Variants in RFX3 observed in about 807,000 individuals in gnomAD.
The protein encoded by RFX3 is transcription factor RFX3.
In RFX3, 14 loss-of-function variants were observed where a neutral mutation model predicts 98.6. The ratio of observed to expected loss-of-function variants is 0.14; its 90% CI spans 0.09 to 0.22. The LOEUF (loss-of-function observed/expected upper bound fraction) is 0.22, where lower values mean the gene tolerates loss of function less well. Ranked by LOEUF, RFX3 falls within the 10% of genes least tolerant of loss-of-function variation. The probability of loss-of-function intolerance (pLI) is 1.00; values close to 1 mark genes in which losing one functional copy is unlikely to be tolerated. For missense variants in RFX3, 639 were observed against 926.9 expected, an observed-to-expected ratio of 0.69 and a Z score of 4.03; for synonymous variants, 383 against 328.4, an observed-to-expected ratio of 1.17 and a Z score of -1.80.
At chr9:3,233,251 T>C (rs1299506039) in intron 15 of RFX3, among the ~76,000 whole-genome samples, 2 of 152,186 alleles carry the variant, frequency 1.3e-5, no homozygotes, top group Non-Finnish European at 2.9e-5. Context: ...GCCAGGGCAA[T>C]GATCGGCAGG....
chr9:3,497,945 C>T (rs1315381754), intron 1 of RFX3, among the ~76,000 whole-genome samples: 2 of 151,942 alleles, frequency 1.3e-5, no homozygotes, highest in East Asian at 3.8e-4. Context: ...CTATAACTGC[C>T]ACTTTAACAA....
At chr9:3,344,911 T>G (rs1325277352) in intron 3 of RFX3, 1 of 693,470 alleles carries the variant, frequency 1.4e-6, no homozygotes, top group African/African-American at 1.8e-5. Context: ...GTGAAAAACA[T>G]TCACAGTGTG....
chr9:3,462,374 C>T (rs1264696360), intron 1 of RFX3, among the ~76,000 whole-genome samples: 1 of 152,014 alleles, frequency 6.6e-6, no homozygotes, highest in African/African-American at 2.4e-5. Flanking sequence ...CCTCAGCAAA[C>T]TGGCAATTGA....
chr9:3,279,883 A>G (rs1825710054), intron 7 of RFX3, among the ~76,000 whole-genome samples: 1 of 151,872 alleles, frequency 6.6e-6, no homozygotes, highest in South Asian at 2.1e-4. Flanking sequence ...AATTAGAGAT[A>G]AACTATATTA....
At chr9:3,500,046 G>C (rs1021830252) in intron 1 of RFX3, among the ~76,000 whole-genome samples, 1 of 152,084 alleles carries the variant, frequency 6.6e-6, no homozygotes, top group Non-Finnish European at 1.5e-5. Context: ...ACAGGAAGCA[G>C]AGTAAAAGAA....
chr9:3,509,919 T>TA (rs1333189488), intron 1 of RFX3, among the ~76,000 whole-genome samples: 1 of 152,004 alleles, frequency 6.6e-6, no homozygotes, highest in Non-Finnish European at 1.5e-5. Context: ...TCAGTTTTCT[T>TA]ACCTATAAGA....
chr9:3,306,956 C>T (rs1408315683), intron 4 of RFX3, among the ~76,000 whole-genome samples: 1 of 151,906 alleles, frequency 6.6e-6, no homozygotes, highest in Admixed American at 6.6e-5. Flanking sequence ...GTGGGAGGGA[C>T]CTGGTGGGAG....
intron 1 of RFX3, among the ~76,000 whole-genome samples, chr9:3,485,407 A>C (rs1378754314): frequency 6.6e-6 from 1 of 152,240 alleles, no homozygotes; most frequent in Non-Finnish European, 1.5e-5. Context: ...CTCATGTTAC[A>C]TAAGAATATT....
chr9:3,254,773 C>G (rs1821889697), intron 14 of RFX3, among the ~76,000 whole-genome samples: 1 of 152,136 alleles, frequency 6.6e-6, no homozygotes, highest in South Asian at 2.1e-4. Context: ...CTGCATCTAC[C>G]TTGAGAACAC....
intron 6 of RFX3, among the ~76,000 whole-genome samples, chr9:3,290,331 A>G (rs1222162053): frequency 6.6e-6 from 1 of 152,176 alleles, no homozygotes; most frequent in African/African-American, 2.4e-5. Flanking sequence ...CTACTCATTC[A>G]CAAAACCAAA....
chr9:3,306,414 CAG>C (rs1202008812), intron 4 of RFX3, among the ~76,000 whole-genome samples: 14 of 151,864 alleles, frequency 9.2e-5, no homozygotes, highest in Admixed American at 2.0e-4. Context: ...GTTAAACTAG[CAG>C]AGTTTCATAA....
intron 1 of RFX3, among the ~76,000 whole-genome samples, chr9:3,405,114 C>T (rs562419003): frequency 6.6e-6 from 1 of 152,174 alleles, no homozygotes; most frequent in East Asian, 1.9e-4. Flanking sequence ...CCTTGCCTTC[C>T]AAGACATTCA....
At chr9:3,321,752 C>A (rs1831346284) in intron 4 of RFX3, among the ~76,000 whole-genome samples, 1 of 152,020 alleles carries the variant, frequency 6.6e-6, no homozygotes, top group Non-Finnish European at 1.5e-5. Context: ...TTATATTATG[C>A]TTCCCACTCT....
chr9:3,311,019 T>G (rs1185151497), intron 4 of RFX3, among the ~76,000 whole-genome samples: 1 of 152,208 alleles, frequency 6.6e-6, no homozygotes, highest in East Asian at 1.9e-4. Context: ...AAGTTTTAAC[T>G]AGATAGTTAA....
chr9:3,401,917 C>T (rs990348514), intron 1 of RFX3, among the ~76,000 whole-genome samples: 56 of 152,252 alleles, frequency 3.7e-4, no homozygotes, highest in African/African-American at 1.3e-3. Flanking sequence ...CTGAATGGAA[C>T]AAGATTAGCA....
At position 3,225,198 on chromosome 9, in the gene RFX3, C is replaced by T. The variant is rs1457696058; in HGVS notation, c.2094G>A (p.Glu698=). Residue 698 remains glutamate, a synonymous_variant, in exon 17 of 17, where the codon GAG becomes GAA. Transcript: ENST00000617270. ...AGCCCACTGGAAATGCCTGGCTCAG[C>T]TCTGTTTTCTCTCTTTTGGCTTGAG... ...SEPQAKREKT[E]LSQAFPVGCM... 1 of 1,613,924 alleles carries T rather than the reference C, an allele frequency of 6.2e-7. No individual in the cohort carries two copies. The highest frequency in any genetic ancestry group is 1.1e-5 in the South Asian group (1 of 91,090).
intron 1 of RFX3, among the ~76,000 whole-genome samples, chr9:3,519,116 G>A (rs190765468): frequency 6.6e-6 from 1 of 152,264 alleles, no homozygotes; most frequent in Admixed American, 6.5e-5. Context: ...ACTGGACAAT[G>A]GGAGTATAAC....
At chr9:3,467,523 A>G (rs1203140511) in intron 1 of RFX3, among the ~76,000 whole-genome samples, 1 of 152,042 alleles carries the variant, frequency 6.6e-6, no homozygotes, top group Non-Finnish European at 1.5e-5. Context: ...TCTCAAGGAA[A>G]GGTTATATTC....
At chr9:3,318,594 T>C (rs1254739201) in intron 4 of RFX3, among the ~76,000 whole-genome samples, 1 of 151,346 alleles carries the variant, frequency 6.6e-6, no homozygotes, top group Admixed American at 6.6e-5. Context: ...AGCTTGGCTT[T>C]TCATGTCCTC....
Sources: allele counts gnomAD v4.1 joint callset (sites outside exome capture counted in the v4.1 genomes callset), GRCh38; gene constraint gnomAD v4.1.1; transcripts MANE v1.5; gene names NCBI Gene and HGNC (gene_info 2026-07-23, HGNC 2026-07-21).